The following CEP128 variants were observed in gnomAD, a reference collection of about 807,000 sequenced individuals.
CEP128 encodes the protein centrosomal protein 128.
CEP128 carries 132 observed loss-of-function variants against 156.7 expected under a neutral mutation model. That is an observed-to-expected ratio of 0.84 (90% CI 0.73 to 0.97). The LOEUF is 0.97. CEP128 is among the 50% of genes least tolerant of loss of function. The pLI, the probability that CEP128 is intolerant of heterozygous loss-of-function variation, is 0.00. For missense variants in CEP128, 1,252 were observed against 1,281.9 expected, an observed-to-expected ratio of 0.98 and a Z score of 0.36; for synonymous variants, 469 against 448.9, an observed-to-expected ratio of 1.04 and a Z score of -0.57.
At chr14:80,487,364 A>C (rs974466542), downstream of CEP128, among the ~76,000 whole-genome samples, 1 of 152,238 alleles carries the variant, frequency 6.6e-6, no homozygotes, top group Non-Finnish European at 1.5e-5. Flanking sequence ...TGGAGCACCC[A>C]GATTCATAAA....
chr14:80,537,917 TTG>T (rs2140299727), intron 21 of CEP128, among the ~76,000 whole-genome samples: 1 of 152,320 alleles, frequency 6.6e-6, no homozygotes, highest in East Asian at 1.9e-4. Flanking sequence ...TGTTACTTAC[TTG>T]TGTTTTGTGA....
chr14:80,597,580 T>C (rs1487812939), intron 19 of CEP128, among the ~76,000 whole-genome samples: 1 of 151,012 alleles, frequency 6.6e-6, no homozygotes, highest in Non-Finnish European at 1.5e-5. Context: ...TTTAGCCTAT[T>C]TCAATACCAA....
downstream of CEP128, among the ~76,000 whole-genome samples, chr14:80,489,704 A>C (rs1418267352): frequency 1.3e-5 from 2 of 151,016 alleles, no homozygotes; most frequent in Non-Finnish European, 2.9e-5. Flanking sequence ...CAGCCAGATA[A>C]GAAGCTGCTC....
At chr14:80,924,858 A>G (rs996041175) in intron 2 of CEP128, among the ~76,000 whole-genome samples, 3 of 152,186 alleles carry the variant, frequency 2.0e-5, no homozygotes, top group African/African-American at 7.2e-5. Context: ...GCACATCAAC[A>G]GTAGAACAGC....
At chr14:80,571,084 G>A (rs1057487401) in intron 20 of CEP128, among the ~76,000 whole-genome samples, 4 of 152,082 alleles carry the variant, frequency 2.6e-5, no homozygotes, top group African/African-American at 4.8e-5. Flanking sequence ...ATACCACTGC[G>A]GAAACAGCAC....
intron 1 of CEP128, among the ~76,000 whole-genome samples, chr14:80,940,675 CAA>C (rs1272963126): frequency 1.7e-5 from 1 of 59,352 alleles, no homozygotes. Flanking sequence ...CCAGACTCCT[CAA>C]AAAAAAAAAA....
At chr14:80,567,510 C>G (rs546618409) in intron 20 of CEP128, among the ~76,000 whole-genome samples, 1 of 152,040 alleles carries the variant, frequency 6.6e-6, no homozygotes, top group Non-Finnish European at 1.5e-5. Context: ...CTGAGACTAC[C>G]CTTTAAATTT....
At chr14:80,570,332 G>A (rs1373144494) in intron 20 of CEP128, among the ~76,000 whole-genome samples, 2 of 152,112 alleles carry the variant, frequency 1.3e-5, no homozygotes, top group Non-Finnish European at 2.9e-5. Context: ...TGGCCAGGAT[G>A]GTCTTGAGCT....
At chr14:80,678,531 G>A (rs1034241310) in intron 19 of CEP128, among the ~76,000 whole-genome samples, 1 of 152,162 alleles carries the variant, frequency 6.6e-6, no homozygotes, top group Non-Finnish European at 1.5e-5. Flanking sequence ...ATTCCAGAAG[G>A]AAAATGGGAA....
In CEP128 at chr14:80,782,304, T is replaced by C. The variant is rs190247165; in HGVS notation, c.2211+2591A>G. Among the ~76,000 whole-genome samples, 35 of 152,320 alleles carry C rather than the reference T, an allele frequency of 2.3e-4. No individual in the cohort carries two copies. The East Asian group carries it at 6.0e-3, about 26-fold the overall frequency. On this transcript the variant is annotated intron_variant, in intron 15 of 24. Transcript: ENST00000555265. ...ACCAACATCGCACAACAGCAACCAC[T>C]GCATGACCACACCTTAGACCTCAAC...
At chr14:80,692,841 T>G (rs1183743232) in intron 19 of CEP128, among the ~76,000 whole-genome samples, 1 of 152,212 alleles carries the variant, frequency 6.6e-6, no homozygotes. Flanking sequence ...AGTTTGTTCA[T>G]GTGGTGCTGT....
intron 13 of CEP128, among the ~76,000 whole-genome samples, chr14:80,824,270 C>G (rs916762707): frequency 6.6e-6 from 1 of 152,200 alleles, no homozygotes; most frequent in Non-Finnish European, 1.5e-5. Context: ...GGAGGGGCTA[C>G]TGCAAAAGTC....
chr14:80,492,050 G>A (rs1887342203), downstream of CEP128, among the ~76,000 whole-genome samples: 2 of 152,140 alleles, frequency 1.3e-5, no homozygotes, highest in African/African-American at 4.8e-5. Flanking sequence ...TAAGAGTTAT[G>A]CAGTATGATC....
At chr14:80,812,536 T>G (rs1884616556) in intron 13 of CEP128, among the ~76,000 whole-genome samples, 1 of 152,218 alleles carries the variant, frequency 6.6e-6, no homozygotes, top group African/African-American at 2.4e-5. Context: ...GGATAAGCGT[T>G]CCCTTTCTCC....
At chr14:80,725,021 T>G (rs921192543) in intron 19 of CEP128, among the ~76,000 whole-genome samples, 3 of 144,616 alleles carry the variant, frequency 2.1e-5, no homozygotes, top group Non-Finnish European at 4.5e-5. Flanking sequence ...ACATATATGA[T>G]ATATATATAT....
intron 19 of CEP128, among the ~76,000 whole-genome samples, chr14:80,707,307 C>T (rs1417659758): frequency 6.6e-6 from 1 of 152,048 alleles, no homozygotes; most frequent in Non-Finnish European, 1.5e-5. Flanking sequence ...TTTCAGAGAC[C>T]TTGTAGTGTT....
At chr14:80,869,581 A>G (rs1887928527) in intron 8 of CEP128, among the ~76,000 whole-genome samples, 1 of 152,088 alleles carries the variant, frequency 6.6e-6, no homozygotes. Flanking sequence ...TCAATAGAAG[A>G]AAGGAAATCA....
chr14:80,856,262 T>G (rs1229131085), intron 9 of CEP128, among the ~76,000 whole-genome samples: 1 of 152,100 alleles, frequency 6.6e-6, no homozygotes, highest in Non-Finnish European at 1.5e-5. Flanking sequence ...ATGAAACAAA[T>G]TTTAATTTTA....
chr14:80,647,037 GTATATATATATATATATATATATATA>G (rs60895994), intron 19 of CEP128, among the ~76,000 whole-genome samples: 10,681 of 69,574 alleles, frequency 0.15, 1,483 homozygotes, highest in East Asian at 0.41. Context: ...ATGTGTGCAT[GTATATATATATATATATATATATATA>G]TATATATATA....
Sources: allele counts gnomAD v4.1 joint callset (sites outside exome capture counted in the v4.1 genomes callset), GRCh38; gene constraint gnomAD v4.1.1; transcripts MANE v1.5; gene names NCBI Gene and HGNC (gene_info 2026-07-23, HGNC 2026-07-21).